The following TAFA1 variants were observed in gnomAD, a reference collection of about 807,000 sequenced individuals.
The protein encoded by TAFA1 is chemokine-like protein TAFA-1.
Under a neutral mutation model 18.5 loss-of-function variants are expected in TAFA1, and 4 were observed. That is an observed-to-expected ratio of 0.22 (90% CI 0.11 to 0.49). The LOEUF is 0.49. TAFA1 is among the 20% of genes least tolerant of loss of function. The probability of loss-of-function intolerance (pLI) is 0.98; values close to 1 mark genes in which losing one functional copy is unlikely to be tolerated. For synonymous variants in TAFA1, 56 were observed against 55.2 expected (o/e 1.01, Z -0.06); for missense variants, 147 against 169.0 (o/e 0.87, Z 0.72).
In TAFA1 at chr3:68,180,856, CTT is replaced by C. The variant is rs1216361506; in HGVS notation, c.118+174114_118+174115del. 1.4e-4 allele frequency among the ~76,000 whole-genome samples: 21 copies of C among 152,288 alleles called. No homozygotes were observed. The East Asian group carries it at 3.9e-3, about 28-fold the overall frequency. ...TCTCTGTGTGGGCTAGGCCTAGTGA[CTT>C]TATTCTGGAAAAAACAACCACAGAA... is the stretch of plus-strand genomic sequence containing the variant. On this transcript the variant is annotated intron_variant, in intron 2 of 4. Coordinates refer to ENST00000478136, the MANE Select transcript of TAFA1 (RefSeq NM_213609.4).
intron 3 of TAFA1, among the ~76,000 whole-genome samples, chr3:68,454,065 T>C (rs2071613924): frequency 6.6e-6 from 1 of 152,176 alleles, no homozygotes; most frequent in South Asian, 2.1e-4. Flanking sequence ...AACTTGTAAA[T>C]TTATAGCACT....
At chr3:68,240,637 C>T (rs2066984693) in intron 2 of TAFA1, among the ~76,000 whole-genome samples, 1 of 152,088 alleles carries the variant, frequency 6.6e-6, no homozygotes, top group African/African-American at 2.4e-5. Flanking sequence ...CCTAGTATGT[C>T]CTAGCGTCTG....
At chr3:68,074,537 C>T (rs186742466) in intron 2 of TAFA1, among the ~76,000 whole-genome samples, 1 of 152,170 alleles carries the variant, frequency 6.6e-6, no homozygotes, top group East Asian at 1.9e-4. Flanking sequence ...AACAAAAATG[C>T]CTACAGCAAA....
Position 68,007,778 on chromosome 3 carries a change from G to A in TAFA1, c.118+1034G>A, listed in dbSNP as rs140636462. 5.6e-3 allele frequency among the ~76,000 whole-genome samples: 852 copies of A among 152,184 alleles called. 9 individuals carry two copies. The highest frequency in any genetic ancestry group is 0.02 in the African/African-American group (818 of 41,518). On this transcript the variant is annotated intron_variant, in intron 2 of 4. Transcript: ENST00000478136. The stretch of plus-strand genomic sequence containing the variant: ...CATCCGTCGAGCTTCCTCCTGCTGC[G>A]TAGTCCAGCGTCTACGCCCTCGCCT...
intron 2 of TAFA1, among the ~76,000 whole-genome samples, chr3:68,348,607 T>A (rs994717036): frequency 2.6e-5 from 4 of 152,134 alleles, no homozygotes; most frequent in Non-Finnish European, 5.9e-5. Context: ...AATTCAGGCA[T>A]CCTGTTTCTC....
At chr3:68,131,619 A>C (rs1426225962) in intron 2 of TAFA1, among the ~76,000 whole-genome samples, 1 of 152,208 alleles carries the variant, frequency 6.6e-6, no homozygotes, top group Non-Finnish European at 1.5e-5. Context: ...CCCAGACCTT[A>C]GCTACTGAGC....
chr3:68,283,957 T>C (rs977877407), intron 2 of TAFA1, among the ~76,000 whole-genome samples: 1 of 152,212 alleles, frequency 6.6e-6, no homozygotes, highest in Non-Finnish European at 1.5e-5. Context: ...ACATCAACTT[T>C]AACCAGAAGC....
At chr3:68,250,211 C>G (rs973816369) in intron 2 of TAFA1, among the ~76,000 whole-genome samples, 1 of 152,050 alleles carries the variant, frequency 6.6e-6, no homozygotes, top group Non-Finnish European at 1.5e-5. Flanking sequence ...AACTGGCTCT[C>G]TATTTGCTTA....
chr3:68,214,108 T>G (rs2066627190), intron 2 of TAFA1, among the ~76,000 whole-genome samples: 1 of 152,064 alleles, frequency 6.6e-6, no homozygotes, highest in Non-Finnish European at 1.5e-5. Flanking sequence ...TAGTATTGGT[T>G]TCTTGGATTT....
intron 2 of TAFA1, among the ~76,000 whole-genome samples, chr3:68,398,322 A>C (rs1372451430): frequency 1.3e-5 from 2 of 152,238 alleles, no homozygotes; most frequent in Non-Finnish European, 2.9e-5. Context: ...CAATGGGGAA[A>C]GGATTCCCTA....
intron 3 of TAFA1, among the ~76,000 whole-genome samples, chr3:68,458,484 T>C (rs1241027417): frequency 6.6e-6 from 1 of 152,174 alleles, no homozygotes; most frequent in Non-Finnish European, 1.5e-5. Context: ...ATGAGAACCA[T>C]ATACCTGTTC....
intron 2 of TAFA1, among the ~76,000 whole-genome samples, chr3:68,176,235 A>G: frequency 6.6e-6 from 1 of 152,218 alleles, no homozygotes; most frequent in Non-Finnish European, 1.5e-5. Context: ...CAATTCCAGC[A>G]CATTGGGAGG....
intron 2 of TAFA1, among the ~76,000 whole-genome samples, chr3:68,210,638 C>T (rs1308638064): frequency 6.6e-6 from 1 of 151,934 alleles, no homozygotes; most frequent in Non-Finnish European, 1.5e-5. Context: ...ACACGTGTAC[C>T]CATTCTTCCC....
At chr3:68,411,270 A>G (rs2070711032) in intron 2 of TAFA1, among the ~76,000 whole-genome samples, 2 of 152,184 alleles carry the variant, frequency 1.3e-5, no homozygotes, top group Non-Finnish European at 2.9e-5. Context: ...TAAAAAACAC[A>G]TAGGAATGTG....
chr3:68,383,735 A>G (rs1380361324), intron 2 of TAFA1, among the ~76,000 whole-genome samples: 1 of 152,072 alleles, frequency 6.6e-6, no homozygotes. Flanking sequence ...AATTTTTGAA[A>G]TAGTTTCATC....
At chr3:68,483,448 A>G (rs1575910716) in intron 3 of TAFA1, among the ~76,000 whole-genome samples, 1 of 152,070 alleles carries the variant, frequency 6.6e-6, no homozygotes, top group Non-Finnish European at 1.5e-5. Context: ...TTTACTGAAC[A>G]CTCTTTATGT....
Position 68,111,259 on chromosome 3 carries a change from A to T in TAFA1, c.118+104515A>T, listed in dbSNP as rs142602753. 3.9e-5 allele frequency among the ~76,000 whole-genome samples: 6 copies of T among 152,304 alleles called. No individual in the cohort carries two copies. In the East Asian group the frequency reaches 1.2e-3, roughly 29 times the overall value. On this transcript the variant is annotated intron_variant, in intron 2 of 4. Transcript: ENST00000478136. ...AGTAGCTGACTTTTCAACCGAAATA[A>T]TGGAAGCCAGAAGAACAATGAGCTG...
chr3:68,271,834 T>C (rs201732630), intron 2 of TAFA1, among the ~76,000 whole-genome samples: 6 of 150,456 alleles, frequency 4.0e-5, no homozygotes, highest in Non-Finnish European at 5.9e-5. Flanking sequence ...TCTCTCTCTC[T>C]CTCACACACA....
At chr3:68,427,838 A>G (rs567073823) in intron 3 of TAFA1, among the ~76,000 whole-genome samples, 1 of 151,928 alleles carries the variant, frequency 6.6e-6, no homozygotes, top group African/African-American at 2.4e-5. Flanking sequence ...GTGATAGTGA[A>G]TAAGTCTCAT....
Sources: allele counts gnomAD v4.1 joint callset (sites outside exome capture counted in the v4.1 genomes callset), GRCh38; gene constraint gnomAD v4.1.1; transcripts MANE v1.5; gene names NCBI Gene and HGNC (gene_info 2026-07-23, HGNC 2026-07-21).